The following EIF4G3 variants were observed in gnomAD, a reference collection of about 807,000 sequenced individuals.
EIF4G3 encodes eukaryotic translation initiation factor 4 gamma 3.
Under a neutral mutation model 186.4 loss-of-function variants are expected in EIF4G3, and 34 were observed. The observed-to-expected ratio is 0.18, with a 90% confidence interval of 0.14 to 0.24. EIF4G3 has a LOEUF of 0.24. Ranked by LOEUF, EIF4G3 falls within the 10% of genes least tolerant of loss-of-function variation. The pLI is 1.00. For synonymous variants in EIF4G3, 673 were observed against 679.5 expected (o/e 0.99, Z 0.15); for missense variants, 1,536 against 1,948.5 (o/e 0.79, Z 3.99).
chr1:21,130,298 C>T (rs1436550318), intron 2 of EIF4G3, among the ~76,000 whole-genome samples: 1 of 141,220 alleles, frequency 7.1e-6, no homozygotes, highest in African/African-American at 2.6e-5. Flanking sequence ...AATCTTGGCT[C>T]ACTGCAACCT....
chr1:20,860,338 T>A (rs750629777), intron 24 of EIF4G3, 47 bp downstream of exon 24: 1 of 1,610,142 alleles, frequency 6.2e-7, no homozygotes, highest in East Asian at 2.2e-5. Flanking sequence ...TAATATGTAT[T>A]CCTGAAACTT....
intron 24 of EIF4G3, among the ~76,000 whole-genome samples, chr1:20,859,819 C>T (rs963930971): frequency 4.6e-5 from 7 of 152,216 alleles, no homozygotes; most frequent in African/African-American, 1.7e-4. Flanking sequence ...TCTCAAACTC[C>T]TGACCTCAAT....
At chr1:20,956,026 A>G (rs1025128492) in intron 12 of EIF4G3, among the ~76,000 whole-genome samples, 8 of 152,240 alleles carry the variant, frequency 5.3e-5, no homozygotes, top group Admixed American at 1.3e-4. Context: ...CCTTTAATAC[A>G]AAGGCAATAA....
chr1:21,127,196 T>C (rs1487939644), intron 2 of EIF4G3, among the ~76,000 whole-genome samples: 1 of 152,140 alleles, frequency 6.6e-6, no homozygotes, highest in Non-Finnish European at 1.5e-5. Flanking sequence ...ACTATGTTGC[T>C]CAAGCTGTTC....
At chr1:21,101,278 T>C (rs1046021628) in intron 2 of EIF4G3, among the ~76,000 whole-genome samples, 2 of 151,680 alleles carry the variant, frequency 1.3e-5, no homozygotes, top group East Asian at 2.0e-4. Flanking sequence ...GGATAAAATA[T>C]GCAATAGGGC....
At chr1:20,874,148 C>T (rs1025480668) in intron 20 of EIF4G3, among the ~76,000 whole-genome samples, 1 of 152,140 alleles carries the variant, frequency 6.6e-6, no homozygotes, top group Admixed American at 6.6e-5. Flanking sequence ...CTGCAATAAA[C>T]ACACGTGTGC....
At chr1:21,040,401 T>C (rs905719315) in intron 4 of EIF4G3, among the ~76,000 whole-genome samples, 1 of 152,202 alleles carries the variant, frequency 6.6e-6, no homozygotes, top group Non-Finnish European at 1.5e-5. Context: ...ACTGTATCCT[T>C]TGTGATATCC....
chr1:21,154,960 T>C (rs1015525347), intron 2 of EIF4G3, among the ~76,000 whole-genome samples: 3 of 152,062 alleles, frequency 2.0e-5, no homozygotes, highest in East Asian at 1.9e-4. Context: ...ACCAGAAATA[T>C]ATTTTTTAAA....
chr1:21,041,371 A>G (rs2154575193), intron 4 of EIF4G3, among the ~76,000 whole-genome samples: 1 of 152,278 alleles, frequency 6.6e-6, no homozygotes, highest in East Asian at 1.9e-4. Context: ...TACAGGTGTG[A>G]ACCACAATGC....
intron 30 of EIF4G3, among the ~76,000 whole-genome samples, chr1:20,839,307 T>G (rs1277764551): frequency 6.6e-6 from 1 of 151,908 alleles, no homozygotes; most frequent in Non-Finnish European, 1.5e-5. Flanking sequence ...GAGACGGGGT[T>G]TCACCACGTT....
At chr1:21,055,357 T>C (rs1367066520) in intron 3 of EIF4G3, among the ~76,000 whole-genome samples, 1 of 152,168 alleles carries the variant, frequency 6.6e-6, no homozygotes, top group Non-Finnish European at 1.5e-5. Context: ...ACCAGTTTTA[T>C]GATTTATTCT....
chr1:21,148,995 C>G (rs562491398), intron 2 of EIF4G3, among the ~76,000 whole-genome samples: 37 of 151,648 alleles, frequency 2.4e-4, no homozygotes, highest in African/African-American at 8.9e-4. Flanking sequence ...ACTGGGTAAG[C>G]TGAGGCAGGA....
At chr1:20,995,575 T>A (rs1452914126) in intron 7 of EIF4G3, among the ~76,000 whole-genome samples, 2 of 152,152 alleles carry the variant, frequency 1.3e-5, no homozygotes, top group Non-Finnish European at 2.9e-5. Context: ...TTTCACCATG[T>A]TGGCCAGGCT....
At chr1:20,981,528 C>T (rs369410700) in intron 8 of EIF4G3, among the ~76,000 whole-genome samples, 5 of 56,614 alleles carry the variant, frequency 8.8e-5, no homozygotes, top group Non-Finnish European at 2.2e-4. Context: ...TACATACATA[C>T]ATGTATACGC....
chr1:20,856,958 C>A (rs534324104), intron 25 of EIF4G3, among the ~76,000 whole-genome samples: 16 of 151,740 alleles, frequency 1.1e-4, no homozygotes, highest in Non-Finnish European at 1.2e-4. Context: ...GTCAGGAGAT[C>A]GAGACCATCC....
chr1:21,176,651 C>A, intron 1 of EIF4G3, 71 bp downstream of exon 1: 2 of 464,448 alleles, frequency 4.3e-6, no homozygotes, highest in Non-Finnish European at 7.8e-6. Flanking sequence ...CACCGGCTGC[C>A]GGTCTCCGTG....
intron 28 of EIF4G3, among the ~76,000 whole-genome samples, chr1:20,850,190 C>A (rs567023213): frequency 1.3e-5 from 2 of 152,238 alleles, no homozygotes; most frequent in South Asian, 4.2e-4. Context: ...GACTGAAGGC[C>A]GAGAACAGGG....
intron 13 of EIF4G3, among the ~76,000 whole-genome samples, chr1:20,945,267 A>G (rs1050273641): frequency 6.6e-6 from 1 of 152,198 alleles, no homozygotes; most frequent in African/African-American, 2.4e-5. Context: ...GTTAGCAAAG[A>G]TAGATGTCTA....
chr1:21,126,229 A>AT (rs202086683), intron 2 of EIF4G3, among the ~76,000 whole-genome samples: 7 of 150,852 alleles, frequency 4.6e-5, no homozygotes, highest in Non-Finnish European at 7.4e-5. Context: ...AAAAATTAAA[A>AT]TTAAAAAAAA....
Sources: allele counts gnomAD v4.1 joint callset (sites outside exome capture counted in the v4.1 genomes callset), GRCh38; gene constraint gnomAD v4.1.1; transcripts MANE v1.5; gene names NCBI Gene and HGNC (gene_info 2026-07-23, HGNC 2026-07-21).